Variants in MTSS2 observed in about 807,000 individuals in gnomAD.
MTSS2 encodes protein MTSS 2.
Under a neutral mutation model 67.1 loss-of-function variants are expected in MTSS2, and 27 were observed. That is an observed-to-expected ratio of 0.40 (90% CI 0.30 to 0.55). The LOEUF (loss-of-function observed/expected upper bound fraction) is 0.55, where lower values mean the gene tolerates loss of function less well. Ranked by LOEUF, MTSS2 falls within the 20% of genes least tolerant of loss-of-function variation. MTSS2 has a pLI of 0.43. For synonymous variants in MTSS2, 624 were observed against 468.6 expected (o/e 1.33, Z -4.28); for missense variants, 1,171 against 1,067.8 (o/e 1.10, Z -1.35).
intron 11 of MTSS2, among the ~76,000 whole-genome samples, chr16:70,671,704 TTTA>T (rs1305935823): frequency 6.6e-6 from 1 of 152,132 alleles, no homozygotes; most frequent in Non-Finnish European, 1.5e-5. Context: ...CACAGGATAT[TTTA>T]TTAATTAAAA....
At chr16:70,679,284 G>A (rs1567503909) in intron 7 of MTSS2, 31 bp downstream of exon 7, 1 of 1,613,412 alleles carries the variant, frequency 6.2e-7, no homozygotes, top group East Asian at 2.2e-5. Context: ...AGGACGGGAG[G>A]AGCAGCTGGA....
rs2052602836 is a variant in MTSS2 at position 70,664,139 on chromosome 16, C to G, written c.1782G>C (p.Lys594Asn). 3 of 1,610,164 alleles carry G rather than the reference C, an allele frequency of 1.9e-6. No homozygotes were observed. Among genetic ancestry groups the G allele is most frequent in the Non-Finnish European group, 1.7e-6 (2 of 1,179,670 alleles). The change falls in exon 15 of 15, where the codon AAG becomes AAC. Residue 594 changes from lysine to asparagine, a missense_variant. Physicochemically the swap from Lys to Asn is moderately conservative, Grantham distance 94. This residue lies in a region of MTSS2 where 924 missense variants were observed against 756.0 expected (regional missense o/e 1.22). Coordinates refer to ENST00000338779, the MANE Select transcript of MTSS2 (RefSeq NM_138383.3). ...CGGGGGAGTCAGGCACCGTGGGCGT[C>G]TTCACAGGGACGATGGGCGGCCGGA... is the stretch of plus-strand genomic sequence containing the variant. ...IPIRPPIVPVKTPTVPDSPGY... is the reference protein window; with the variant it reads ...IPIRPPIVPVNTPTVPDSPGY...
Position 70,674,456 on chromosome 16 carries a change from G to C in MTSS2, c.903C>G (p.Pro301=). 6.2e-7 allele frequency: 1 copy of C among 1,614,184 alleles called. No individual in the cohort carries two copies. The highest frequency in any genetic ancestry group is 1.1e-5 in the South Asian group (1 of 91,084). Residue 301 remains proline (P), a synonymous_variant, in exon 11 of 15, where the codon CCC becomes CCG. Coordinates refer to ENST00000338779, the MANE Select transcript of MTSS2 (RefSeq NM_138383.3). ...PWPGGAQTYS[P]SSTCRYRSLA... is the part of the protein sequence containing the mutation. ...GGCTGCGGTAGCGACAGGTGGAACT[G>C]GGTGAGTATGTTTGGGCACCCCCAG...
Position 70,662,617 on chromosome 16 carries a change from G to C in MTSS2, c.*1060C>G, listed in dbSNP as rs1033696765. Reference sequence around the variant, plus strand: ...AGAACAGTAGCTTCCACCGGGCTCTGGGGGAGCCAAGTCCCTCCCTTCTCA... The same window carrying C: ...AGAACAGTAGCTTCCACCGGGCTCTCGGGGAGCCAAGTCCCTCCCTTCTCA... On this transcript the variant is annotated 3_prime_UTR_variant, in exon 15 of 15. Transcript: ENST00000338779. 2.6e-5 allele frequency: 4 copies of C among 152,504 alleles called. No homozygotes were observed. Among genetic ancestry groups the C allele is most frequent in the African/African-American group, 9.7e-5 (4 of 41,370 alleles). 9.4% of individuals were successfully genotyped at this position (152,504 alleles called of 1,614,324 possible).
chr16:70,685,830 C>T lies in MTSS2; in HGVS notation c.-39G>A, dbSNP rs2053441227. 5.7e-6 allele frequency: 7 copies of T among 1,220,614 alleles called. No individual in the cohort carries two copies. Among genetic ancestry groups the T allele is most frequent in the African/African-American group, 3.2e-5 (2 of 62,280 alleles). 75.6% of individuals were successfully genotyped at this position (1,220,614 alleles called of 1,614,324 possible). On this transcript the variant is annotated 5_prime_UTR_variant, in exon 1 of 15. The change creates a new upstream start codon in the 5' untranslated region. Coordinates refer to ENST00000338779, the MANE Select transcript of MTSS2 (RefSeq NM_138383.3). ...CGGGCCGCGGCGGCGGCTAGGCGCA[C>T]GGAGCGCGGGGAGCAGCGCAAGGGA...
chr16:70,664,354 T>G lies in MTSS2; in HGVS notation c.1567A>C (p.Ile523Leu), dbSNP rs1315398272. Reference sequence around the variant, plus strand: ...ATCAGGCGGCGGTAGTTCTGGGCGATGTTGCTGTTGCGCGGGATGGTGGAT... The same window carrying G: ...ATCAGGCGGCGGTAGTTCTGGGCGAGGTTGCTGTTGCGCGGGATGGTGGAT... ...KSSTIPRNSN[I>L]AQNYRRLIQT... Residue 523 changes from isoleucine to leucine, a missense_variant, in exon 15 of 15, where the codon ATC (isoleucine) becomes CTC (leucine). Around this residue, in one of 2 missense-constraint regions of MTSS2, gnomAD observed 924 missense variants for 756.0 expected, o/e 1.22. Coordinates refer to ENST00000338779, the MANE Select transcript of MTSS2 (RefSeq NM_138383.3). 8 of 1,595,806 alleles carry G rather than the reference T, an allele frequency of 5.0e-6. No homozygotes were observed. The highest frequency in any genetic ancestry group is 6.8e-6 in the Non-Finnish European group (8 of 1,173,152).
Position 70,664,056 on chromosome 16 carries a change from G to C in MTSS2, c.1865C>G (p.Thr622Ser). The C allele has an allele frequency of 6.2e-7, 1 of 1,610,860 alleles. No individual in the cohort carries two copies. Among genetic ancestry groups the C allele is most frequent in the South Asian group, 1.1e-5 (1 of 90,550 alleles). ...SEECVFYTDE[T>S]ASPLAPDLAK... ...GAGGTCCGGTGCCAGGGGTGAGGCGGTCTCGTCGGTATAGAAGACGCACTC... is the reference window on the plus strand; with the variant it reads ...GAGGTCCGGTGCCAGGGGTGAGGCGCTCTCGTCGGTATAGAAGACGCACTC... Residue 622 changes from threonine to serine, a missense_variant, in exon 15 of 15, where the codon ACC becomes AGC. This residue lies in a region of MTSS2 where 924 missense variants were observed against 756.0 expected (regional missense o/e 1.22). Coordinates refer to ENST00000338779, the MANE Select transcript of MTSS2 (RefSeq NM_138383.3).
rs145921767 is a variant in MTSS2 at position 70,664,192 on chromosome 16, C to A, written c.1729G>T (p.Ala577Ser). The change falls in exon 15 of 15, where the codon GCC (alanine) becomes TCC (serine). Residue 577 changes from alanine to serine, a missense_variant. This residue lies in a region of MTSS2 where 924 missense variants were observed against 756.0 expected (regional missense o/e 1.22). Coordinates refer to ENST00000338779, the MANE Select transcript of MTSS2 (RefSeq NM_138383.3). ...GGGATGGGGCCAGCGCTGGACAGGGCGCGGCGCACGGTGGGCTTGGTGGAG... is the reference window on the plus strand; with the variant it reads ...GGGATGGGGCCAGCGCTGGACAGGGAGCGGCGCACGGTGGGCTTGGTGGAG... ...TPSTKPTVRR[A>S]LSSAGPIPIR... 6.3e-7 allele frequency: 1 copy of A among 1,597,522 alleles called. No homozygotes were observed. Among genetic ancestry groups the A allele is most frequent in the Non-Finnish European group, 8.5e-7 (1 of 1,176,054 alleles).
chr16:70,684,424 C>A (rs1394136155), intron 1 of MTSS2, among the ~76,000 whole-genome samples: 1 of 152,094 alleles, frequency 6.6e-6, no homozygotes, highest in Non-Finnish European at 1.5e-5. Context: ...CCAGGCCAGG[C>A]TGGCTTCAGG....
Position 70,663,516 on chromosome 16 carries a change from A to AAATGCTGG in MTSS2, c.*153_*160dup. Reference sequence around the variant, plus strand: ...CTTGCTAAGAAGTCACTTCCTGTTTAAATGCTGGAATCCAAGTGAGGTGTC... The same window carrying AAATGCTGG: ...CTTGCTAAGAAGTCACTTCCTGTTTAAATGCTGGAATGCTGGAATCCAAGTGAGGTGTC... On this transcript the variant is annotated 3_prime_UTR_variant, in exon 15 of 15. Transcript: ENST00000338779. 7.6e-7 allele frequency: 1 copy of AAATGCTGG among 1,323,810 alleles called. No homozygotes were observed. Among genetic ancestry groups the AAATGCTGG allele is most frequent in the East Asian group, 2.7e-5 (1 of 37,090 alleles). The allele number at this position is 1,323,810 out of a possible 1,614,324, so 82.0% of individuals were successfully genotyped here. A position where few individuals can be genotyped will look rare whatever the true frequency, so the allele number is the denominator to read the frequency against.
chr16:70,676,843 C>A (rs371175896), intron 10 of MTSS2, 38 bp downstream of exon 10: 15 of 1,573,472 alleles, frequency 9.5e-6, no homozygotes, highest in Non-Finnish European at 1.3e-5. Flanking sequence ...TCTTGGGATA[C>A]CGCCCCCCAC....
At chr16:70,676,221 C>G (rs1207038818) in intron 10 of MTSS2, among the ~76,000 whole-genome samples, 1 of 152,248 alleles carries the variant, frequency 6.6e-6, no homozygotes, top group African/African-American at 2.4e-5. Context: ...CCTCCAAACC[C>G]AGCCCCAGTG....
chr16:70,675,598 A>G (rs1002684013), intron 10 of MTSS2, among the ~76,000 whole-genome samples: 16 of 152,170 alleles, frequency 1.1e-4, no homozygotes, highest in African/African-American at 3.9e-4. Context: ...TGTATTTTTT[A>G]GTAAAGACGG....
chr16:70,670,304 T>G (rs775592280), intron 11 of MTSS2, among the ~76,000 whole-genome samples: 1 of 152,120 alleles, frequency 6.6e-6, no homozygotes, highest in Admixed American at 6.5e-5. Flanking sequence ...AACAAAACAC[T>G]GTCCTAATCT....
intron 13 of MTSS2, 53 bp from the exon 14 acceptor site, chr16:70,664,816 C>T: frequency 6.5e-7 from 1 of 1,543,412 alleles, no homozygotes; most frequent in South Asian, 1.2e-5. Flanking sequence ...CCCCTCTGCC[C>T]AAATTCCAGG....
At chr16:70,671,711 A>T (rs936455183) in intron 11 of MTSS2, among the ~76,000 whole-genome samples, 11 of 152,214 alleles carry the variant, frequency 7.2e-5, no homozygotes, top group Non-Finnish European at 1.5e-4. Flanking sequence ...TATTTTATTA[A>T]TTAAAAAGGG....
Position 70,661,443 on chromosome 16 carries a change from A to G in MTSS2, c.*2234T>C. 5.3e-6 allele frequency: 2 copies of G among 375,964 alleles called. No individual in the cohort carries two copies. The highest frequency in any genetic ancestry group is 5.2e-6 in the Non-Finnish European group (1 of 190,510). 23.3% of individuals were successfully genotyped at this position (375,964 alleles called of 1,614,324 possible). On this transcript the variant is annotated 3_prime_UTR_variant, in exon 15 of 15. Transcript: ENST00000338779. ...GCCTGGGGTGGGGGAATAAATTAAA[A>G]AAAGGAACGAGTTAACAACAGCACC...
chr16:70,670,517 A>ATGGT (rs1001525267), intron 11 of MTSS2, among the ~76,000 whole-genome samples: 2 of 152,346 alleles, frequency 1.3e-5, no homozygotes, highest in African/African-American at 4.8e-5. Context: ...GTCCATCAAA[A>ATGGT]TGGTTAAATT....
At chr16:70,673,716 G>C (rs1240662206) in intron 11 of MTSS2, among the ~76,000 whole-genome samples, 3 of 151,950 alleles carry the variant, frequency 2.0e-5, no homozygotes, top group Non-Finnish European at 2.9e-5. Flanking sequence ...TGTCATTTGT[G>C]GGTACTGTAA....
Sources: allele counts gnomAD v4.1 joint callset (sites outside exome capture counted in the v4.1 genomes callset), GRCh38; gene constraint gnomAD v4.1.1; regional missense constraint gnomAD v4.1.1; transcripts MANE v1.5; gene names NCBI Gene and HGNC (gene_info 2026-07-23, HGNC 2026-07-21).